NUDCD1: variants seen among roughly 807,000 people sequenced by gnomAD.
The protein encoded by NUDCD1 is nudC domain-containing protein 1.
A neutral mutation model predicts 67.8 loss-of-function variants in NUDCD1; 60 were observed. The ratio of observed to expected loss-of-function variants is 0.88; its 90% CI spans 0.72 to 1.10. The LOEUF (loss-of-function observed/expected upper bound fraction) is 1.10, where lower values mean the gene tolerates loss of function less well. NUDCD1 is among the 50% of genes least tolerant of loss of function. NUDCD1 has a pLI of 0.00. For missense variants in NUDCD1, 643 were observed against 695.0 expected (o/e 0.93, Z 0.84); for synonymous variants, 244 against 230.8 (o/e 1.06, Z -0.52).
At chr8:109,294,152 G>C (rs1343465238) in intron 3 of NUDCD1, among the ~76,000 whole-genome samples, 2 of 151,758 alleles carry the variant, frequency 1.3e-5, no homozygotes, top group African/African-American at 2.4e-5. Context: ...AGGTTTTAAG[G>C]CTGCTTCCTA....
intron 9 of NUDCD1, among the ~76,000 whole-genome samples, chr8:109,245,020 A>T (rs1407405624): frequency 6.6e-6 from 1 of 152,190 alleles, no homozygotes; most frequent in Non-Finnish European, 1.5e-5. Flanking sequence ...CTCAGACTCC[A>T]GTATTATATG....
chr8:109,290,122 T>G (rs1814676618), intron 4 of NUDCD1, among the ~76,000 whole-genome samples, 189 bp from the exon 5 acceptor site: 1 of 152,190 alleles, frequency 6.6e-6, no homozygotes, highest in Non-Finnish European at 1.5e-5. Context: ...GTCCCTATTT[T>G]AAAATATTGG....
chr8:109,316,416 C>T (rs1465577143), intron 2 of NUDCD1: 1 of 152,184 alleles, frequency 6.6e-6, no homozygotes, highest in Non-Finnish European at 1.5e-5. Context: ...ATAGCATTCA[C>T]TTTTACTACA....
At chr8:109,267,941 G>T (rs1300596113) in intron 8 of NUDCD1, among the ~76,000 whole-genome samples, 1 of 152,160 alleles carries the variant, frequency 6.6e-6, no homozygotes, top group Non-Finnish European at 1.5e-5. Context: ...TGATCCTGTT[G>T]TTTAGGGAAA....
intron 1 of NUDCD1, among the ~76,000 whole-genome samples, chr8:109,332,644 T>A (rs990410891): frequency 6.6e-6 from 1 of 152,188 alleles, no homozygotes; most frequent in Non-Finnish European, 1.5e-5. Context: ...AGCTGACCCG[T>A]AGACTTGTGA....
Position 109,293,387 on chromosome 8 carries a change from G to C in NUDCD1, c.597C>G (p.Phe199Leu). 1 of 1,586,526 alleles carries C rather than the reference G, an allele frequency of 6.3e-7. No individual in the cohort carries two copies. Among genetic ancestry groups the C allele is most frequent in the Admixed American group, 1.8e-5 (1 of 55,020 alleles). Residue 199 changes from phenylalanine (F) to leucine (L), a missense_variant, in exon 4 of 10, where the codon TTC becomes TTG. By Grantham distance (22) the Phe-to-Leu change is conservative. Coordinates refer to ENST00000239690, the MANE Select transcript of NUDCD1 (RefSeq NM_032869.4). The stretch of plus-strand genomic sequence containing the variant: ...TAGTGACCCACTCCAGAGAAACATA[G>C]AAACCACTTCCTTTCATATCCAATT... ...KEELDMKGSG[F>L]YVSLEWVTIS...
chr8:109,316,461 A>C (rs1342872827), intron 2 of NUDCD1: 1 of 152,188 alleles, frequency 6.6e-6, no homozygotes, highest in African/African-American at 2.4e-5. Flanking sequence ...TCATTTGTAC[A>C]TCAGTCACAG....
intron 1 of NUDCD1, 125 bp from the exon 2 acceptor site, chr8:109,322,588 T>C: frequency 1.6e-6 from 1 of 611,316 alleles, no homozygotes; most frequent in East Asian, 2.7e-5. Context: ...TTCAGGACAA[T>C]TCAGTATATC....
chr8:109,284,888 T>C (rs1814538108), intron 5 of NUDCD1, among the ~76,000 whole-genome samples: 1 of 151,842 alleles, frequency 6.6e-6, no homozygotes, highest in African/African-American at 2.4e-5. Flanking sequence ...AGTTGGTTTT[T>C]TTTTGAAAGG....
chr8:109,308,971 CAAA>C (rs34837773), intron 2 of NUDCD1, among the ~76,000 whole-genome samples: 14 of 116,356 alleles, frequency 1.2e-4, no homozygotes, highest in African/African-American at 2.2e-4. Context: ...GAGTCCATCT[CAAA>C]AAAAAAAAAA....
chr8:109,305,808 C>A (rs1815089064), intron 2 of NUDCD1, among the ~76,000 whole-genome samples: 1 of 152,204 alleles, frequency 6.6e-6, no homozygotes, highest in Admixed American at 6.5e-5. Flanking sequence ...GTCTGCAGGA[C>A]CCCCGCATTA....
chr8:109,287,629 G>A (rs183992883), intron 5 of NUDCD1, among the ~76,000 whole-genome samples: 1 of 152,154 alleles, frequency 6.6e-6, no homozygotes, highest in Admixed American at 6.5e-5. Flanking sequence ...CATACAATAG[G>A]GACTACTAGA....
chr8:109,249,767 G>T (rs901990849), intron 8 of NUDCD1, among the ~76,000 whole-genome samples: 4 of 151,452 alleles, frequency 2.6e-5, no homozygotes, highest in African/African-American at 9.7e-5. Context: ...TCAATTTTTT[G>T]ATGGCAGTAA....
chr8:109,281,216 A>T, intron 5 of NUDCD1, 44 bp from the exon 6 acceptor site: 1 of 1,293,268 alleles, frequency 7.7e-7, no homozygotes. Flanking sequence ...AAAATTAGAG[A>T]AAGCATACAC....
chr8:109,259,026 G>A (rs533391444), intron 8 of NUDCD1, among the ~76,000 whole-genome samples: 10 of 152,166 alleles, frequency 6.6e-5, no homozygotes, highest in Non-Finnish European at 1.5e-4. Flanking sequence ...ACTTTAAGCT[G>A]CTGGGAGACA....
At chr8:109,248,354 A>C (rs1813547234) in intron 8 of NUDCD1, among the ~76,000 whole-genome samples, 1 of 152,208 alleles carries the variant, frequency 6.6e-6, no homozygotes, top group Admixed American at 6.5e-5. Context: ...AATAACAGCA[A>C]CCTAACATAC....
At chr8:109,270,504 C>T (rs71526730) in intron 8 of NUDCD1, among the ~76,000 whole-genome samples, 98 of 152,046 alleles carry the variant, frequency 6.4e-4, no homozygotes, top group Non-Finnish European at 1.3e-3. Context: ...TTCTGTAACT[C>T]GTTATTAGAT....
intron 8 of NUDCD1, among the ~76,000 whole-genome samples, chr8:109,263,474 G>C (rs982601937): frequency 3.3e-5 from 5 of 152,156 alleles, no homozygotes; most frequent in African/African-American, 1.2e-4. Context: ...TAATGCTTAT[G>C]CTGTTTACTG....
intron 2 of NUDCD1, among the ~76,000 whole-genome samples, chr8:109,303,976 A>G (rs1815047941): frequency 6.6e-6 from 1 of 151,896 alleles, no homozygotes; most frequent in Admixed American, 6.6e-5. Flanking sequence ...ATGGTGCCAA[A>G]ACCATATACT....
Sources: allele counts gnomAD v4.1 joint callset (sites outside exome capture counted in the v4.1 genomes callset), GRCh38; gene constraint gnomAD v4.1.1; transcripts MANE v1.5; gene names NCBI Gene and HGNC (gene_info 2026-07-23, HGNC 2026-07-21).